The following THTPA variants were observed in gnomAD, a reference collection of about 807,000 sequenced individuals.
THTPA encodes thiamine triphosphatase.
THTPA carries 16 observed loss-of-function variants against 16.5 expected under a neutral mutation model. The observed-to-expected ratio is 0.97, with a 90% CI of 0.66 to 1.47. THTPA has a LOEUF of 1.47. Among genes scored for constraint, THTPA ranks in the 40% most tolerant of loss-of-function variants. THTPA has a pLI of 0.00. For missense variants in THTPA, 281 were observed against 280.9 expected (o/e 1.00, Z 0.00); for synonymous variants, 110 against 115.5 (o/e 0.95, Z 0.30).
chr14:23,537,738 GT>G, the THTPA span, among the ~76,000 whole-genome samples: 4 of 152,204 alleles, frequency 2.6e-5, no homozygotes, highest in African/African-American at 9.7e-5. Context: ...AAGCCCTCAA[GT>G]TGAGGGAGAA....
chr14:23,518,387 G>T, the THTPA span, among the ~76,000 whole-genome samples: 1 of 152,190 alleles, frequency 6.6e-6, no homozygotes. This position sits in a 1 kb window ranked among gnomAD's most constrained non-coding sequence, Gnocchi z 4.5. Context: ...TGGTTCTTAA[G>T]CCTACTTCTG....
chr14:23,520,243 C>T, the THTPA span, among the ~76,000 whole-genome samples: 67 of 152,066 alleles, frequency 4.4e-4, no homozygotes, highest in South Asian at 1.9e-3. This position sits in a 1 kb window ranked among gnomAD's most constrained non-coding sequence, Gnocchi z 8.7. Context: ...GGACGGGTCC[C>T]GACTCCCTTG....
chr14:23,532,894 G>C, the THTPA span: 2 of 1,536,102 alleles, frequency 1.3e-6, no homozygotes, highest in Non-Finnish European at 1.7e-6. Flanking sequence ...CTTCCGGGAG[G>C]CTCCGGCCTA....
the THTPA span, chr14:23,533,312 C>CAAG: frequency 7.0e-6 from 10 of 1,437,790 alleles, no homozygotes; most frequent in Non-Finnish European, 8.2e-6. The surrounding 1 kb of genome is among the most constrained non-coding windows in gnomAD (Gnocchi z 4.8). Context: ...CGGGCAGGTG[C>CAAG]TCCTACGTGG....
chr14:23,552,776 T>G (rs1222766162), upstream of THTPA, among the ~76,000 whole-genome samples: 2 of 151,854 alleles, frequency 1.3e-5, no homozygotes, highest in Non-Finnish European at 2.9e-5. Flanking sequence ...TAATTTTGTA[T>G]TTTTAGTAGA....
At chr14:23,525,873 T>C in the THTPA span, 1 of 1,451,996 alleles carries the variant, frequency 6.9e-7, no homozygotes, top group South Asian at 1.4e-5. The surrounding 1 kb of genome is among the most constrained non-coding windows in gnomAD (Gnocchi z 5.9). Flanking sequence ...TGCTGGAGCT[T>C]AAGCAGTGAT....
chr14:23,537,812 C>G, the THTPA span, among the ~76,000 whole-genome samples: 1 of 152,162 alleles, frequency 6.6e-6, no homozygotes, highest in Non-Finnish European at 1.5e-5. Flanking sequence ...TTGTGAGGGT[C>G]TGTTATTCCA....
chr14:23,551,863 C>T (rs1463913292), upstream of THTPA, among the ~76,000 whole-genome samples: 2 of 152,214 alleles, frequency 1.3e-5, no homozygotes, highest in African/African-American at 2.4e-5. This position sits in a 1 kb window ranked among gnomAD's most constrained non-coding sequence, Gnocchi z 5.3. Flanking sequence ...CGCGCCCGCC[C>T]GCCTGCCTCG....
At chr14:23,532,779 C>T in the THTPA span, 4 of 1,536,342 alleles carry the variant, frequency 2.6e-6, no homozygotes, top group Non-Finnish European at 3.5e-6. Flanking sequence ...TACTTCTGAG[C>T]ATGTTTGTCA....
At chr14:23,525,792 C>G in the THTPA span, 15 of 1,489,830 alleles carry the variant, frequency 1.0e-5, no homozygotes, top group Non-Finnish European at 1.3e-5. This position sits in a 1 kb window ranked among gnomAD's most constrained non-coding sequence, Gnocchi z 5.9. Context: ...AGCACAGGTG[C>G]AGGCCCAGCT....
chr14:23,545,633 A>T, the THTPA span, among the ~76,000 whole-genome samples: 45 of 152,342 alleles, frequency 3.0e-4, no homozygotes, highest in East Asian at 7.1e-3. Context: ...AGCAGGATTT[A>T]TCTGTAGGTT....
chr14:23,537,242 C>G, the THTPA span, among the ~76,000 whole-genome samples: 3 of 147,492 alleles, frequency 2.0e-5, no homozygotes, highest in African/African-American at 7.5e-5. Context: ...TTTTTTTTTT[C>G]TAAATCAGGA....
rs374037612 is a variant in THTPA at position 23,556,797 on chromosome 14, C to G, written c.40C>G (p.Pro14Ala). 8.7e-6 allele frequency: 14 copies of G among 1,613,480 alleles called. No individual in the cohort carries two copies. In the African/African-American group the frequency reaches 1.7e-4, roughly 20 times the overall value. The change falls in exon 1 of 2, where the codon CCA (proline) becomes GCA (alanine). Residue 14 changes from proline (P) to alanine (A), a missense_variant. By Grantham distance (27) the Pro-to-Ala change is conservative (BLOSUM62 -1). Transcript: ENST00000288014. ...GATTGAGGTGGAGCGAAAGTTCCTT[C>G]CAGGGCCTGGCACAGAGGAGCGGCT... ...GLIEVERKFL[P>A]GPGTEERLQE...
the THTPA span, among the ~76,000 whole-genome samples, chr14:23,527,984 G>T: frequency 6.9e-6 from 1 of 145,670 alleles, no homozygotes. Context: ...TCGGCTCACT[G>T]CAACCTCCGC....
rs1251553657 is a variant in THTPA at position 23,559,902 on chromosome 14, C to T, written c.*1062C>T. 2 of 1,611,798 alleles carry T rather than the reference C, an allele frequency of 1.2e-6. No homozygotes were observed. The highest frequency in any genetic ancestry group is 1.1e-5 in the South Asian group (1 of 90,880). On this transcript the variant is annotated 3_prime_UTR_variant, in exon 2 of 2. Transcript: ENST00000288014. ...GTTAGCACCCACGGCTTCTTCTATC[C>T]CTGGGTCTTGTCTTGGGGGAACTCC...
At chr14:23,539,855 C>T in the THTPA span, among the ~76,000 whole-genome samples, 2 of 152,222 alleles carry the variant, frequency 1.3e-5, no homozygotes, top group African/African-American at 4.8e-5. Flanking sequence ...GCTTTTTCCT[C>T]CCTAACTCCC....
At chr14:23,555,550 C>T (rs969653569), upstream of THTPA, among the ~76,000 whole-genome samples, 20 of 152,154 alleles carry the variant, frequency 1.3e-4, no homozygotes, top group Admixed American at 1.3e-3. Context: ...GCCAAAATAC[C>T]ACTTTATTCT....
chr14:23,519,260 A>T, the THTPA span, among the ~76,000 whole-genome samples: 1 of 152,096 alleles, frequency 6.6e-6, no homozygotes, highest in East Asian at 1.9e-4. Context: ...ACTTCTAATC[A>T]TTCCATGCCA....
chr14:23,522,821 T>C, the THTPA span: 1 of 1,535,382 alleles, frequency 6.5e-7, no homozygotes, highest in African/African-American at 1.4e-5. Flanking sequence ...TGTGGAGGTG[T>C]TGGTTTGGTC....
Sources: allele counts gnomAD v4.1 joint callset (sites outside exome capture counted in the v4.1 genomes callset), GRCh38; gene constraint gnomAD v4.1.1; non-coding constraint Gnocchi (gnomAD v3.1); transcripts MANE v1.5; gene names NCBI Gene and HGNC (gene_info 2026-07-23, HGNC 2026-07-21).